FAM228B: variants seen among roughly 807,000 people sequenced by gnomAD.
FAM228B encodes family with sequence similarity 228 member B.
In FAM228B, 38 loss-of-function variants were observed where a neutral mutation model predicts 42.6. That is an observed-to-expected ratio of 0.89 (90% CI 0.69 to 1.17). FAM228B has a LOEUF of 1.17. FAM228B is among the 50% of genes most tolerant of loss of function. The pLI is 0.00. For synonymous variants in FAM228B, 109 were observed against 122.3 expected (o/e 0.89, Z 0.72); for missense variants, 344 against 367.3 (o/e 0.94, Z 0.52).
intron 2 of FAM228B, among the ~76,000 whole-genome samples, chr2:24,090,772 G>A (rs1294795980): frequency 6.6e-6 from 1 of 151,990 alleles, no homozygotes; most frequent in Non-Finnish European, 1.5e-5. Context: ...AGCAAAATAA[G>A]GATAAAAGGA....
chr2:24,109,131 T>C (rs1252755594), intron 3 of FAM228B, among the ~76,000 whole-genome samples: 2 of 138,770 alleles, frequency 1.4e-5, no homozygotes, highest in East Asian at 2.1e-4. Flanking sequence ...CCTATAACCA[T>C]CTGATCTTCA....
chr2:24,141,649 A>C (rs1428608216), intron 5 of FAM228B, among the ~76,000 whole-genome samples: 1 of 152,184 alleles, frequency 6.6e-6, no homozygotes, highest in Non-Finnish European at 1.5e-5. Context: ...AAGTGCTGGG[A>C]TTACAGGTGT....
At chr2:24,166,701 GA>G (rs1667423888) in intron 9 of FAM228B, 1 of 152,166 alleles carries the variant, frequency 6.6e-6, no homozygotes, top group Non-Finnish European at 1.5e-5. Flanking sequence ...AAAGCAGGTA[GA>G]GGGGGTGGGG....
At chr2:24,079,605 C>T (rs748540466) in intron 1 of FAM228B, 39 of 1,613,926 alleles carry the variant, frequency 2.4e-5, no homozygotes, top group South Asian at 1.4e-4. Context: ...CAGTAGGATC[C>T]GCCTATGCAG....
At position 24,077,561 on chromosome 2, in the gene FAM228B, G is replaced by A. The variant is rs753418062; in HGVS notation, c.-290+592G>A. 2 of 1,609,858 alleles carry A rather than the reference G, an allele frequency of 1.2e-6. No individual in the cohort carries two copies. Among genetic ancestry groups the A allele is most frequent in the African/African-American group, 1.3e-5 (1 of 74,792 alleles). ...GAAAGGCCTGGGGTGGCCGCGTCCT[G>A]TCCTGCCCCATCCTCCTTCACTGGG... On this transcript the variant is annotated intron_variant, in intron 1 of 10. Transcript: ENST00000613899. This position sits in a 1 kb window ranked among gnomAD's most constrained non-coding sequence, Gnocchi z 5.5.
rs1434883217 is a variant in FAM228B at position 24,083,061 on chromosome 2, T to C, written c.-210+2106T>C. On this transcript the variant is annotated intron_variant, in intron 2 of 10. Transcript: ENST00000613899. ...TGTGTCCCCGATCTTCCAGTGTCCC[T>C]GGCAGCCAGGCCCCAGCTCTGCCAC... The C allele has an allele frequency of 2.5e-6, 4 of 1,614,044 alleles. No homozygotes were observed. The highest frequency in any genetic ancestry group is 3.4e-6 in the Non-Finnish European group (4 of 1,180,036).
At chr2:24,148,821 T>C (rs7560342) in intron 7 of FAM228B, among the ~76,000 whole-genome samples, 88,387 of 151,890 alleles carry the variant, frequency 0.58, 26,417 homozygotes, top group East Asian at 0.75. Flanking sequence ...GTCTTATTCA[T>C]TCCTTCTATT....
chr2:24,133,188 T>C (rs1387246411), intron 2 of FAM228B, among the ~76,000 whole-genome samples: 1 of 152,220 alleles, frequency 6.6e-6, no homozygotes, highest in Admixed American at 6.5e-5. Flanking sequence ...GCTGTTTTTT[T>C]TTCTTGGTGT....
At chr2:24,156,779 C>A (rs968908966) in intron 7 of FAM228B, among the ~76,000 whole-genome samples, 4 of 137,370 alleles carry the variant, frequency 2.9e-5, no homozygotes, top group South Asian at 2.7e-4. Context: ...TTTCCGCCCC[C>A]CCCCCCCCAG....
intron 7 of FAM228B, among the ~76,000 whole-genome samples, chr2:24,154,729 A>C (rs1275751620): frequency 6.6e-6 from 1 of 152,190 alleles, no homozygotes; most frequent in African/African-American, 2.4e-5. Flanking sequence ...TTTGGAATTC[A>C]GTTTACTTCT....
chr2:24,150,710 C>T (rs1472332332), intron 7 of FAM228B, among the ~76,000 whole-genome samples: 1 of 152,196 alleles, frequency 6.6e-6, no homozygotes, highest in Admixed American at 6.5e-5. Context: ...CAGGCATGAG[C>T]CACCATGTCT....
intron 2 of FAM228B, chr2:24,085,217 G>A (rs975930849): frequency 2.0e-5 from 3 of 152,148 alleles, no homozygotes; most frequent in African/African-American, 7.2e-5. Context: ...GGAGCCGTTG[G>A]GAGTGGGGGT....
At chr2:24,078,068 GTACCCTCCC>G (rs1035157949) in intron 1 of FAM228B, among the ~76,000 whole-genome samples, 23 of 152,112 alleles carry the variant, frequency 1.5e-4, no homozygotes, top group African/African-American at 5.6e-4. Context: ...TCTGAGAGGG[GTACCCTCCC>G]CATACTAGGG....
intron 4 of FAM228B, among the ~76,000 whole-genome samples, chr2:24,138,529 T>G (rs1477358557): frequency 6.6e-6 from 1 of 151,882 alleles, no homozygotes; most frequent in Non-Finnish European, 1.5e-5. Flanking sequence ...GAGACAGGGT[T>G]TCTCCATGTT....
chr2:24,080,651 T>G lies in FAM228B; in HGVS notation c.-289-225T>G. ...AAACCATCTTAGATTTAAATATGAC[T>G]GCCTGTCTCCAGTGGTCAAATACCA... On this transcript the variant is annotated intron_variant, in intron 1 of 10. Coordinates refer to the FAM228B transcript ENST00000613899. The surrounding 1 kb of genome is among the most constrained non-coding windows in gnomAD (Gnocchi z 4.7). 1 of 723,774 alleles carries G rather than the reference T, an allele frequency of 1.4e-6. No homozygotes were observed. Among genetic ancestry groups the G allele is most frequent in the Non-Finnish European group, 2.4e-6 (1 of 412,298 alleles). 44.8% of individuals were successfully genotyped at this position (723,774 alleles called of 1,614,324 possible). A position where few individuals can be genotyped will look rare whatever the true frequency, so the allele number is the denominator to read the frequency against.
rs1233034701 is a variant in FAM228B at position 24,095,315 on chromosome 2, C to T, written c.-121+86C>T. The T allele has an allele frequency of 6.6e-6, 1 of 152,234 alleles. No homozygotes were observed. Among genetic ancestry groups the T allele is most frequent in the Admixed American group, 6.5e-5 (1 of 15,280 alleles). The allele number at this position is 152,234 out of a possible 1,614,324, so 9.4% of individuals were successfully genotyped here. ...TGAAGCAGGGCAGGGCGTCACCTCA[C>T]CCTGGAAGTGCAAGGGGTCAGGGGA... On this transcript the variant is annotated intron_variant, in intron 3 of 10. Coordinates refer to the FAM228B transcript ENST00000613899. The surrounding 1 kb of genome is among the most constrained non-coding windows in gnomAD (Gnocchi z 4.8).
chr2:24,130,025 A>G (rs1376330332), intron 2 of FAM228B, among the ~76,000 whole-genome samples: 1 of 151,978 alleles, frequency 6.6e-6, no homozygotes, highest in Non-Finnish European at 1.5e-5. Flanking sequence ...ATGTGTTCTC[A>G]TTGTTCAGCT....
chr2:24,133,846 A>C (rs1008105799), intron 2 of FAM228B, among the ~76,000 whole-genome samples: 3 of 152,202 alleles, frequency 2.0e-5, no homozygotes, highest in African/African-American at 7.2e-5. Context: ...CAGGAGTTTG[A>C]GGGTACAGTG....
intron 5 of FAM228B, among the ~76,000 whole-genome samples, chr2:24,141,568 C>T (rs749048745): frequency 5.3e-5 from 8 of 151,130 alleles, no homozygotes; most frequent in Non-Finnish European, 8.8e-5. Context: ...TTAGTAGAGA[C>T]GGGGTTTCAC....
Sources: gnomAD v4.1 joint callset for allele counts (sites outside exome capture counted in the v4.1 genomes callset) on GRCh38, gnomAD v4.1.1 for gene constraint, Gnocchi (gnomAD v3.1) non-coding constraint, MANE v1.5 for transcripts, NCBI Gene and HGNC (gene_info 2026-07-23, HGNC 2026-07-21) for gene names.